The following RNLS variants were observed in gnomAD, a reference collection of about 807,000 sequenced individuals.
The protein encoded by RNLS is renalase, FAD dependent amine oxidase.
RNLS carries 39 observed loss-of-function variants against 39.8 expected under a neutral mutation model. The observed-to-expected ratio is 0.98, with a 90% CI of 0.76 to 1.28. The LOEUF (loss-of-function observed/expected upper bound fraction) is 1.28, where lower values mean the gene tolerates loss of function less well. RNLS is among the 50% of genes most tolerant of loss of function. The probability of loss-of-function intolerance (pLI) is 0.00; values close to 1 mark genes in which losing one functional copy is unlikely to be tolerated. For synonymous variants in RNLS, 147 were observed against 150.7 expected, an observed-to-expected ratio of 0.98 and a Z score of 0.18; for missense variants, 410 against 413.3, an observed-to-expected ratio of 0.99 and a Z score of 0.07.
rs1589455327 is a variant in RNLS at position 88,284,886 on chromosome 10, C to T, written c.*468G>A. 1 of 985,742 alleles carries T rather than the reference C, an allele frequency of 1.0e-6. No individual in the cohort carries two copies. The highest frequency in any genetic ancestry group is 1.7e-5 in the African/African-American group (1 of 57,348). 61.1% of individuals were successfully genotyped at this position (985,742 alleles called of 1,614,324 possible). A position where few individuals can be genotyped will look rare whatever the true frequency, so the allele number is the denominator to read the frequency against. On this transcript the variant is annotated 3_prime_UTR_variant, in exon 7 of 7. Transcript: ENST00000331772. ...GAGAAATAAGAATTACACTCTGTTA[C>T]CTACATTTTGGAAAAATCTTGTTTT...
At chr10:88,246,203 A>G in the RNLS span, among the ~76,000 whole-genome samples, 36 of 152,214 alleles carry the variant, frequency 2.4e-4, no homozygotes, top group African/African-American at 8.4e-4. Flanking sequence ...AGACAAAAAC[A>G]ACTCTCCCTT....
At chr10:88,195,666 AG>A in the RNLS span, among the ~76,000 whole-genome samples, 1 of 152,196 alleles carries the variant, frequency 6.6e-6, no homozygotes, top group South Asian at 2.1e-4. Flanking sequence ...GAGCTCATCA[AG>A]TTTCCTTGCC....
At chr10:88,394,571 T>C (rs147610574) in intron 4 of RNLS, among the ~76,000 whole-genome samples, 9,287 of 152,122 alleles carry the variant, frequency 0.061, 404 homozygotes, top group African/African-American at 0.12. Context: ...TGTGGAGAAA[T>C]AGGAACACTT....
intron 4 of RNLS, among the ~76,000 whole-genome samples, chr10:88,512,357 A>C (rs1846171806): frequency 6.6e-6 from 1 of 152,206 alleles, no homozygotes; most frequent in Admixed American, 6.6e-5. Context: ...TCTAATACAG[A>C]AAAGTAGGAT....
At chr10:88,321,207 G>T (rs74932505) in intron 5 of RNLS, among the ~76,000 whole-genome samples, 3 of 151,962 alleles carry the variant, frequency 2.0e-5, no homozygotes, top group Non-Finnish European at 4.4e-5. Flanking sequence ...AATGACTTTT[G>T]GGTAAACAAA....
At chr10:88,243,854 A>G in the RNLS span, among the ~76,000 whole-genome samples, 40 of 152,326 alleles carry the variant, frequency 2.6e-4, no homozygotes, top group African/African-American at 8.9e-4. Flanking sequence ...CACCCTTGGC[A>G]GCTATGTACA....
At chr10:88,187,217 T>TATATATATA in the RNLS span, among the ~76,000 whole-genome samples, 15 of 140,244 alleles carry the variant, frequency 1.1e-4, no homozygotes, top group Non-Finnish European at 1.5e-4. Flanking sequence ...AATATATATA[T>TATATATATA]ATAGGACTTG....
At chr10:88,519,257 G>A (rs1846574822) in intron 4 of RNLS, among the ~76,000 whole-genome samples, 1 of 151,866 alleles carries the variant, frequency 6.6e-6, no homozygotes. Context: ...CTGATTGAAA[G>A]GATATTAGAA....
intron 4 of RNLS, among the ~76,000 whole-genome samples, chr10:88,484,628 T>A (rs569979623): frequency 3.1e-4 from 47 of 151,942 alleles, no homozygotes; most frequent in Non-Finnish European, 5.6e-4. Context: ...GACAGAAAAA[T>A]GGAAGAAGAG....
intron 4 of RNLS, among the ~76,000 whole-genome samples, chr10:88,479,793 CTT>C (rs11293313): frequency 1.4e-3 from 196 of 139,258 alleles, no homozygotes; most frequent in African/African-American, 1.6e-3. Context: ...TTCTTTTTTT[CTT>C]TTTTTTTTTT....
At chr10:88,413,934 A>G (rs780589240) in intron 4 of RNLS, among the ~76,000 whole-genome samples, 1 of 152,172 alleles carries the variant, frequency 6.6e-6, no homozygotes, top group Non-Finnish European at 1.5e-5. Flanking sequence ...TATCTTTTGT[A>G]CCAAAAATAA....
rs558560748 is a variant in RNLS at position 88,548,571 on chromosome 10, G to A, written c.526+24332C>T. 1.3e-4 allele frequency among the ~76,000 whole-genome samples: 20 copies of A among 148,910 alleles called. No individual in the cohort carries two copies. In the South Asian group the frequency reaches 1.7e-3, roughly 13 times the overall value. On this transcript the variant is annotated intron_variant, in intron 4 of 6. Coordinates refer to ENST00000331772, the MANE Select transcript of RNLS (RefSeq NM_001031709.3). ...CAAGAATTGCTTGAACCCGAGAGGC[G>A]GAGGTTGCAGTGAACCTAGATCACA...
At chr10:88,564,437 G>T (rs953198213) in intron 4 of RNLS, among the ~76,000 whole-genome samples, 2 of 152,062 alleles carry the variant, frequency 1.3e-5, no homozygotes, top group Non-Finnish European at 2.9e-5. Context: ...ATCAGAGGGT[G>T]GGGGGTGGAG....
the RNLS span, among the ~76,000 whole-genome samples, chr10:88,236,802 C>T: frequency 6.6e-6 from 1 of 152,184 alleles, no homozygotes; most frequent in Non-Finnish European, 1.5e-5. Flanking sequence ...GCAGAGTCTA[C>T]TGCAAGGAGT....
At chr10:88,181,237 G>A in the RNLS span, among the ~76,000 whole-genome samples, 3 of 152,134 alleles carry the variant, frequency 2.0e-5, no homozygotes, top group African/African-American at 7.2e-5. Context: ...AAATTTGGAG[G>A]TCTCTAGAAG....
chr10:88,172,500 C>G, the RNLS span, among the ~76,000 whole-genome samples: 2 of 152,010 alleles, frequency 1.3e-5, no homozygotes, highest in African/African-American at 4.8e-5. Context: ...CTATTCAGAT[C>G]CTTTCTCCAT....
chr10:88,233,124 C>A, the RNLS span, among the ~76,000 whole-genome samples: 1 of 152,176 alleles, frequency 6.6e-6, no homozygotes, highest in African/African-American at 2.4e-5. Flanking sequence ...TATCACTCAG[C>A]CCCACCACAC....
intron 6 of RNLS, among the ~76,000 whole-genome samples, chr10:88,292,187 G>A (rs1377625418): frequency 1.3e-5 from 2 of 151,196 alleles, no homozygotes; most frequent in African/African-American, 4.9e-5. Context: ...TATGGGTCTT[G>A]GAGGACAGTT....
rs1271458178 is a variant in RNLS at position 88,541,722 on chromosome 10, T to G, written c.526+31181A>C. Among the ~76,000 whole-genome samples, 12 of 152,180 alleles carry G rather than the reference T, an allele frequency of 7.9e-5. 1 individual carries two copies. Among genetic ancestry groups the G allele is most frequent in the Admixed American group, 7.2e-4 (11 of 15,268 alleles). On this transcript the variant is annotated intron_variant, in intron 4 of 6. Transcript: ENST00000331772. ...TCTTTAGCCTTAAAATTGGAATATA[T>G]GTATTCTTGTCTGGGTCTGGGTCAA...
Sources: allele counts gnomAD v4.1 joint callset (sites outside exome capture counted in the v4.1 genomes callset), GRCh38; gene constraint gnomAD v4.1.1; transcripts MANE v1.5; gene names NCBI Gene and HGNC (gene_info 2026-07-23, HGNC 2026-07-21).